UTRN: variants seen among roughly 807,000 people sequenced by gnomAD.
UTRN encodes the protein utrophin.
Under a neutral mutation model 463.9 loss-of-function variants are expected in UTRN, and 283 were observed. The ratio of observed to expected loss-of-function variants is 0.61; its 90% CI spans 0.55 to 0.67. The LOEUF is 0.67. Ranked by LOEUF, UTRN falls within the 30% of genes least tolerant of loss-of-function variation. UTRN has a pLI of 0.00. For synonymous variants in UTRN, 1,442 were observed against 1,431.5 expected (o/e 1.01, Z -0.17); for missense variants, 3,922 against 4,084.3 (o/e 0.96, Z 1.08).
At chr6:144,663,498 T>TAA (rs1780088816) in intron 51 of UTRN, among the ~76,000 whole-genome samples, 2 of 152,324 alleles carry the variant, frequency 1.3e-5, no homozygotes, top group Admixed American at 1.3e-4. Flanking sequence ...CCATTTGCAT[T>TAA]GTGTACTGTA....
intron 2 of UTRN, among the ~76,000 whole-genome samples, chr6:144,340,338 T>C (rs1777051341): frequency 1.3e-5 from 2 of 152,188 alleles, no homozygotes; most frequent in African/African-American, 4.8e-5. Flanking sequence ...CTGACAGTTA[T>C]AATATGATGT....
intron 2 of UTRN, among the ~76,000 whole-genome samples, chr6:144,326,200 C>T (rs1167733028): frequency 6.6e-6 from 1 of 151,846 alleles, no homozygotes; most frequent in Middle Eastern, 3.2e-3. Flanking sequence ...ATGAGATAGA[C>T]TGTAGAAATC....
At chr6:144,803,882 TG>T (rs1777916591) in intron 65 of UTRN, among the ~76,000 whole-genome samples, 1 of 152,146 alleles carries the variant, frequency 6.6e-6, no homozygotes, top group South Asian at 2.1e-4. Flanking sequence ...GTATTTTTTA[TG>T]GTCAAAATAC....
intron 1 of UTRN, among the ~76,000 whole-genome samples, chr6:144,288,655 G>A (rs940826780): frequency 9.2e-5 from 14 of 151,642 alleles, no homozygotes; most frequent in African/African-American, 3.1e-4. Flanking sequence ...TAAATTTTTA[G>A]CAGTAGTAGA....
chr6:144,426,144 A>G (rs1785274657), intron 6 of UTRN, 143 bp from the exon 7 acceptor site: 1 of 1,021,610 alleles, frequency 9.8e-7, no homozygotes, highest in South Asian at 1.8e-5. Flanking sequence ...GTCTACAGAA[A>G]AATCTGAAGT....
In UTRN at chr6:144,423,976, G is replaced by A. The variant is rs769377804; in HGVS notation, c.313-10G>A. The A allele has an allele frequency of 6.2e-7, 1 of 1,610,768 alleles. No homozygotes were observed. Among genetic ancestry groups the A allele is most frequent in the Non-Finnish European group, 8.5e-7 (1 of 1,178,994 alleles). The stretch of plus-strand genomic sequence containing the variant: ...CGTTTTTGTTTTTGTTTTTTGTTTT[G>A]TCTTAATAGGTGGAATTAGTGAATA... On this transcript the variant is annotated splice_polypyrimidine_tract_variant and intron_variant, in intron 5 of 74. Transcript: ENST00000367545.
intron 47 of UTRN, among the ~76,000 whole-genome samples, chr6:144,549,970 A>G (rs1211007061): frequency 7.2e-5 from 11 of 152,220 alleles, no homozygotes; most frequent in Admixed American, 2.0e-4. Flanking sequence ...TTATGAACTC[A>G]TGATAACCGT....
At chr6:144,692,360 G>T (rs1244332134) in intron 52 of UTRN, among the ~76,000 whole-genome samples, 1 of 152,154 alleles carries the variant, frequency 6.6e-6, no homozygotes, top group African/African-American at 2.4e-5. Context: ...ACATACATAT[G>T]CATGTGTCTT....
intron 54 of UTRN, among the ~76,000 whole-genome samples, chr6:144,732,239 C>CACAT (rs1562832398): frequency 1.7e-5 from 2 of 116,060 alleles, no homozygotes; most frequent in South Asian, 3.1e-4. Flanking sequence ...TATATATATA[C>CACAT]ATATATATAT....
At chr6:144,594,588 T>C (rs1301352700) in intron 51 of UTRN, among the ~76,000 whole-genome samples, 1 of 152,222 alleles carries the variant, frequency 6.6e-6, no homozygotes, top group Non-Finnish European at 1.5e-5. Flanking sequence ...CTATATACTT[T>C]GACTTTAGTT....
chr6:144,744,374 G>T (rs1790460578), intron 54 of UTRN, among the ~76,000 whole-genome samples: 4 of 129,900 alleles, frequency 3.1e-5, no homozygotes, highest in African/African-American at 1.1e-4. Context: ...TAAATATATA[G>T]ATATATAAAA....
chr6:144,287,530 A>G (rs370947612), intron 1 of UTRN, among the ~76,000 whole-genome samples: 2 of 152,316 alleles, frequency 1.3e-5, no homozygotes, highest in African/African-American at 4.8e-5. Context: ...CAGCATTTCC[A>G]TCATAATGCA....
At chr6:144,596,035 T>C (rs919053287) in intron 51 of UTRN, among the ~76,000 whole-genome samples, 2 of 152,208 alleles carry the variant, frequency 1.3e-5, no homozygotes, top group Non-Finnish European at 2.9e-5. Flanking sequence ...CCTAATGACC[T>C]ATTATGCTTA....
chr6:144,822,880 G>T (rs968479101), intron 66 of UTRN, among the ~76,000 whole-genome samples: 1 of 152,102 alleles, frequency 6.6e-6, no homozygotes, highest in African/African-American at 2.4e-5. Context: ...TGAACTAAGC[G>T]ATGTGCCTTT....
chr6:144,610,097 G>T (rs1246996328), intron 51 of UTRN, among the ~76,000 whole-genome samples: 2 of 140,430 alleles, frequency 1.4e-5, no homozygotes, highest in Non-Finnish European at 3.1e-5. Context: ...AAAATAAATG[G>T]AATACAGACT....
intron 25 of UTRN, among the ~76,000 whole-genome samples, chr6:144,477,242 A>G (rs1275235204): frequency 6.6e-6 from 1 of 152,202 alleles, no homozygotes; most frequent in Non-Finnish European, 1.5e-5. Context: ...GTGAGTGACA[A>G]AGCAGTGAAA....
At chr6:144,554,941 C>T in intron 49 of UTRN, 48 bp downstream of exon 49, 1 of 1,590,066 alleles carries the variant, frequency 6.3e-7, no homozygotes, top group Non-Finnish European at 8.6e-7. Flanking sequence ...GTTGGATATA[C>T]TTTTTTTCTA....
chr6:144,345,442 CG>C (rs1777486072), intron 2 of UTRN, among the ~76,000 whole-genome samples: 1 of 151,964 alleles, frequency 6.6e-6, no homozygotes, highest in Non-Finnish European at 1.5e-5. Context: ...TGGGAGGCTG[CG>C]GCATGAGGAT....
intron 4 of UTRN, 152 bp downstream of exon 4, chr6:144,422,122 A>G (rs1201112957): frequency 1.6e-6 from 1 of 616,186 alleles, no homozygotes; most frequent in Non-Finnish European, 2.7e-6. Context: ...AAAGCATTTT[A>G]ATGAGTGCTT....
Sources: allele counts gnomAD v4.1 joint callset (sites outside exome capture counted in the v4.1 genomes callset), GRCh38; gene constraint gnomAD v4.1.1; transcripts MANE v1.5; gene names NCBI Gene and HGNC (gene_info 2026-07-23, HGNC 2026-07-21).